Variants in BCAS3 observed in about 807,000 individuals in gnomAD.
BCAS3 encodes BCAS4/BCAS3 fusion.
A neutral mutation model predicts 116.1 loss-of-function variants in BCAS3; 53 were observed. The ratio of observed to expected loss-of-function variants is 0.46; its 90% confidence interval spans 0.37 to 0.57. The LOEUF is 0.57. BCAS3 is among the 20% of genes least tolerant of loss of function. The probability of loss-of-function intolerance (pLI) is 0.00; values close to 1 mark genes in which losing one functional copy is unlikely to be tolerated. For missense variants in BCAS3, 917 were observed against 1,165.4 expected (o/e 0.79, Z 3.10); for synonymous variants, 391 against 408.2 (o/e 0.96, Z 0.51).
Position 61,388,968 on chromosome 17 carries a change from TC to T in BCAS3, c.2594-3008del. 2.9e-6 allele frequency: 1 copy of T among 350,184 alleles called. No homozygotes were observed. 21.7% of individuals were successfully genotyped at this position (350,184 alleles called of 1,614,324 possible). A position where few individuals can be genotyped will look rare whatever the true frequency, so the allele number is the denominator to read the frequency against. On this transcript the variant is annotated intron_variant, in intron 23 of 23. Coordinates refer to ENST00000407086, the MANE Select transcript of BCAS3 (RefSeq NM_017679.5). The surrounding 1 kb of genome is among the most constrained non-coding windows in gnomAD (Gnocchi z 6.5). Reference sequence around the variant, plus strand: ...CACCTCCCCTTACCACATCATTCATTCATTCATTCATTCATTCATTCATTCA... The same window carrying T: ...CACCTCCCCTTACCACATCATTCATTATTCATTCATTCATTCATTCATTCA...
intron 14 of BCAS3, among the ~76,000 whole-genome samples, chr17:60,970,669 A>T (rs1233779741): frequency 6.6e-6 from 1 of 152,230 alleles, no homozygotes; most frequent in East Asian, 1.9e-4. Context: ...AAATGCACAT[A>T]ATTTAAATGC....
In BCAS3 at chr17:60,718,507, T is replaced by C. The variant is rs572646784; in HGVS notation, c.321+9182T>C. On this transcript the variant is annotated intron_variant, in intron 5 of 23. Transcript: ENST00000407086. Reference sequence around the variant, plus strand: ...TGGAGGGCAGTGATGCTATCTTTGCTCACTGCAGCCTCTACCTCATGGGTT... The same window carrying C: ...TGGAGGGCAGTGATGCTATCTTTGCCCACTGCAGCCTCTACCTCATGGGTT... Among the ~76,000 whole-genome samples, 337 of 152,282 alleles carry C rather than the reference T, an allele frequency of 2.2e-3. 1 individual carries two copies. Among genetic ancestry groups the C allele is most frequent in the Non-Finnish European group, 1.0e-3 (71 of 68,020 alleles).
At chr17:61,166,546 C>T in intron 22 of BCAS3, among the ~76,000 whole-genome samples, 1 of 151,720 alleles carries the variant, frequency 6.6e-6, no homozygotes, top group Admixed American at 6.6e-5. Context: ...TACAGCCATG[C>T]ACCACCATAC....
chr17:60,983,635 C>T (rs1171571545), intron 14 of BCAS3, among the ~76,000 whole-genome samples: 1 of 152,106 alleles, frequency 6.6e-6, no homozygotes, highest in Non-Finnish European at 1.5e-5. Context: ...AACACCACCT[C>T]TATATCCTGA....
At chr17:61,231,684 C>G (rs191658481) in intron 22 of BCAS3, among the ~76,000 whole-genome samples, 3 of 151,892 alleles carry the variant, frequency 2.0e-5, no homozygotes, top group African/African-American at 7.3e-5. Flanking sequence ...TGAGATCAGC[C>G]TGGGCAACAT....
At chr17:60,713,300 CAT>C (rs1460758878) in intron 5 of BCAS3, among the ~76,000 whole-genome samples, 1 of 152,176 alleles carries the variant, frequency 6.6e-6, no homozygotes, top group African/African-American at 2.4e-5. Flanking sequence ...TTCAAATACT[CAT>C]AGTTATCTTT....
intron 12 of BCAS3, among the ~76,000 whole-genome samples, chr17:60,915,761 C>A (rs1401633435): frequency 6.6e-6 from 1 of 151,166 alleles, no homozygotes; most frequent in African/African-American, 2.5e-5. Context: ...TGGCTCACTG[C>A]AAGCTCTGCC....
chr17:61,242,323 T>C (rs1197605683), intron 22 of BCAS3, among the ~76,000 whole-genome samples: 1 of 151,202 alleles, frequency 6.6e-6, no homozygotes, highest in Admixed American at 6.6e-5. Context: ...AGTGTAAATA[T>C]CAGGGTCTGA....
intron 22 of BCAS3, among the ~76,000 whole-genome samples, chr17:61,242,787 A>G (rs1285215585): frequency 6.6e-6 from 1 of 151,908 alleles, no homozygotes; most frequent in African/African-American, 2.4e-5. Context: ...TCTAAAGATT[A>G]TTGCCTCCTT....
chr17:61,148,140 C>CTG (rs968033173), intron 22 of BCAS3, among the ~76,000 whole-genome samples: 7 of 152,026 alleles, frequency 4.6e-5, no homozygotes, highest in South Asian at 2.1e-4. Context: ...GTTTAGAAAA[C>CTG]TGTGTGTGTG....
intron 22 of BCAS3, among the ~76,000 whole-genome samples, chr17:61,270,095 A>G (rs1056413046): frequency 1.4e-5 from 2 of 144,890 alleles, no homozygotes; most frequent in African/African-American, 5.1e-5. Context: ...GTGAGCCACC[A>G]GGCATGGCCT....
At chr17:60,705,048 A>G (rs2036935430) in intron 4 of BCAS3, among the ~76,000 whole-genome samples, 1 of 152,148 alleles carries the variant, frequency 6.6e-6, no homozygotes, top group Admixed American at 6.6e-5. Flanking sequence ...ACTCTGTGAA[A>G]GAGAACCCTG....
intron 22 of BCAS3, among the ~76,000 whole-genome samples, chr17:61,212,732 G>C (rs1177466256): frequency 3.9e-5 from 6 of 152,106 alleles, no homozygotes; most frequent in Non-Finnish European, 8.8e-5. Context: ...AACTTTATTA[G>C]ATTCAGTGGT....
At chr17:60,695,047 C>G (rs1264720632) in intron 4 of BCAS3, among the ~76,000 whole-genome samples, 2 of 151,724 alleles carry the variant, frequency 1.3e-5, no homozygotes, top group African/African-American at 2.4e-5. Context: ...AAGGTTCATT[C>G]ATGTTGTAGC....
intron 7 of BCAS3, among the ~76,000 whole-genome samples, chr17:60,819,776 C>G (rs554661264): frequency 3.3e-5 from 5 of 151,722 alleles, no homozygotes; most frequent in African/African-American, 1.2e-4. Context: ...TCCTCACTCT[C>G]TTTCTGAGAC....
rs185783019 is a variant in BCAS3 at position 61,280,724 on chromosome 17, G to T, written c.2426-87603G>T. Among the ~76,000 whole-genome samples the T allele has an allele frequency of 2.4e-3, 360 of 152,302 alleles. 1 individual carries two copies. The highest frequency in any genetic ancestry group is 8.2e-3 in the African/African-American group (340 of 41,566). On this transcript the variant is annotated intron_variant, in intron 22 of 23. Transcript: ENST00000407086. ...TTGTTGTGTGTGTGTTCAGCAAGAA[G>T]TGACCCCCTCCAAGTGTATTCTTAT...
At chr17:60,811,053 C>A in intron 7 of BCAS3, 1 of 644,170 alleles carries the variant, frequency 1.6e-6, no homozygotes, top group South Asian at 1.5e-5. Flanking sequence ...CGTTGATTCT[C>A]ATGGAGCTGA....
At chr17:60,982,633 A>G (rs1295066663) in intron 14 of BCAS3, among the ~76,000 whole-genome samples, 1 of 152,208 alleles carries the variant, frequency 6.6e-6, no homozygotes, top group Non-Finnish European at 1.5e-5. Flanking sequence ...TTGAATTTCA[A>G]CTGAGCAAAA....
In BCAS3 at chr17:61,333,277, C is replaced by T. The variant is rs1239394384; in HGVS notation, c.2426-35050C>T. 6.6e-6 allele frequency among the ~76,000 whole-genome samples: 1 copy of T among 152,196 alleles called. No individual in the cohort carries two copies. Among genetic ancestry groups the T allele is most frequent in the East Asian group, 1.9e-4 (1 of 5,194 alleles). On this transcript the variant is annotated intron_variant, in intron 22 of 23. Transcript: ENST00000407086. This position sits in a 1 kb window ranked among gnomAD's most constrained non-coding sequence, Gnocchi z 4.8. The stretch of plus-strand genomic sequence containing the variant: ...TGCCAGCCACTTCTGCGGTGGTTGT[C>T]GGTCTTGGAAAAGCTCCATCTTCAG...
Sources: allele counts gnomAD v4.1 joint callset (sites outside exome capture counted in the v4.1 genomes callset), GRCh38; gene constraint gnomAD v4.1.1; non-coding constraint Gnocchi (gnomAD v3.1); transcripts MANE v1.5; gene names NCBI Gene and HGNC (gene_info 2026-07-23, HGNC 2026-07-21).